DTL: variants seen among roughly 807,000 people sequenced by gnomAD.
DTL encodes the protein denticleless protein homolog.
A neutral mutation model predicts 87.0 loss-of-function variants in DTL; 46 were observed. The ratio of observed to expected loss-of-function variants is 0.53; its 90% CI spans 0.42 to 0.68. DTL has a LOEUF of 0.68. Among genes scored for constraint, DTL ranks in the 30% least tolerant of loss-of-function variants. The pLI, the probability that DTL is intolerant of heterozygous loss-of-function variation, is 0.00. For missense variants in DTL, 737 were observed against 869.4 expected (o/e 0.85, Z 1.91); for synonymous variants, 308 against 311.2 (o/e 0.99, Z 0.11).
Position 212,103,051 on chromosome 1 carries a change from G to A in DTL, c.*111G>A, listed in dbSNP as rs1655670938. ...GTGACTCTATAACTCTGGTCTTTAA[G>A]AAAGCTGCCTTTTCATTTTTAGACA... On this transcript the variant is annotated 3_prime_UTR_variant, in exon 15 of 15. Coordinates refer to ENST00000366991, the MANE Select transcript of DTL (RefSeq NM_016448.4). 5.3e-6 allele frequency: 3 copies of A among 563,960 alleles called. No individual in the cohort carries two copies. The highest frequency in any genetic ancestry group is 9.2e-6 in the Non-Finnish European group (3 of 326,246). The allele number at this position is 563,960 out of a possible 1,614,324, so 34.9% of individuals were successfully genotyped here.
At chr1:212,041,853 T>C (rs1333627247) in intron 1 of DTL, among the ~76,000 whole-genome samples, 1 of 152,138 alleles carries the variant, frequency 6.6e-6, no homozygotes, top group Non-Finnish European at 1.5e-5. Context: ...TTTACAATGA[T>C]ATGTGATGCT....
chr1:212,045,706 A>C (rs1374505773), intron 3 of DTL, among the ~76,000 whole-genome samples: 3 of 152,168 alleles, frequency 2.0e-5, no homozygotes, highest in African/African-American at 7.2e-5. Flanking sequence ...GGAAGGGGGC[A>C]CTCCAGGTGA....
At chr1:212,097,199 G>A (rs538566610) in intron 13 of DTL, among the ~76,000 whole-genome samples, 4 of 152,214 alleles carry the variant, frequency 2.6e-5, no homozygotes, top group Admixed American at 6.5e-5. Context: ...ATCCCCTCTA[G>A]CTTGTAGAGT....
intron 1 of DTL, among the ~76,000 whole-genome samples, chr1:212,041,041 A>G (rs552681060): frequency 1.3e-4 from 20 of 152,342 alleles, no homozygotes; most frequent in African/African-American, 4.8e-4. Context: ...GAATATGTGC[A>G]TGTAACTCCA....
chr1:212,075,410 C>T (rs1233871663), intron 11 of DTL, among the ~76,000 whole-genome samples: 1 of 152,098 alleles, frequency 6.6e-6, no homozygotes. Flanking sequence ...ATAAATGTCT[C>T]TTAGACTTAA....
chr1:212,070,842 G>A (rs1262426195), intron 10 of DTL, among the ~76,000 whole-genome samples: 1 of 152,094 alleles, frequency 6.6e-6, no homozygotes, highest in African/African-American at 2.4e-5. Flanking sequence ...CATTTTAGGA[G>A]GATTTTTAGC....
intron 5 of DTL, among the ~76,000 whole-genome samples, chr1:212,058,382 A>T (rs1202198270): frequency 6.6e-6 from 1 of 152,214 alleles, no homozygotes; most frequent in African/African-American, 2.4e-5. Context: ...GAATAAAACT[A>T]GAAATCAACA....
intron 9 of DTL, 64 bp from the exon 10 acceptor site, chr1:212,068,535 A>T: frequency 9.1e-7 from 1 of 1,100,558 alleles, no homozygotes; most frequent in Non-Finnish European, 1.4e-6. Context: ...TTTTGTCTCT[A>T]CATTTTAACC....
At chr1:212,090,209 CAT>C (rs1655243168) in intron 13 of DTL, among the ~76,000 whole-genome samples, 3 of 152,228 alleles carry the variant, frequency 2.0e-5, no homozygotes, top group South Asian at 4.1e-4. Flanking sequence ...TGGTTCTAAA[CAT>C]ATGGTTGATG....
intron 12 of DTL, among the ~76,000 whole-genome samples, chr1:212,079,165 T>A (rs1258485360): frequency 6.6e-6 from 1 of 152,110 alleles, no homozygotes; most frequent in Non-Finnish European, 1.5e-5. Flanking sequence ...TCTTTTTTTT[T>A]AAGTCATTAC....
intron 1 of DTL, among the ~76,000 whole-genome samples, chr1:212,037,266 C>G (rs1667504234): frequency 6.6e-6 from 1 of 152,182 alleles, no homozygotes. Context: ...TTCCTATTCT[C>G]AAGTACTCAT....
chr1:212,098,620 A>T (rs1001484936), intron 13 of DTL, among the ~76,000 whole-genome samples: 2 of 152,028 alleles, frequency 1.3e-5, no homozygotes, highest in African/African-American at 2.4e-5. Flanking sequence ...TAACAGGCCA[A>T]TGGAGTTACG....
chr1:212,065,982 A>G (rs571921101), intron 7 of DTL, among the ~76,000 whole-genome samples: 1 of 152,252 alleles, frequency 6.6e-6, no homozygotes, highest in East Asian at 1.9e-4. Context: ...GTGAGCCACC[A>G]CGCCTGGCCA....
In DTL at chr1:212,035,924, C is replaced by T. The variant is rs772279926; in HGVS notation, c.34C>T (p.Leu12Phe). 6.2e-7 allele frequency: 1 copy of T among 1,614,200 alleles called. No homozygotes were observed. The highest frequency in any genetic ancestry group is 1.6e-4 in the Middle Eastern group (1 of 6,062). Reference protein sequence around the residue: ...LFNSVLRQPQLGVLRNGWSSQ... With the variant: ...LFNSVLRQPQFGVLRNGWSSQ... ...CAATTCGGTGCTCCGCCAGCCCCAG[C>T]TTGGCGTCCTGAGAAATGGTGAGTA... Residue 12 changes from leucine (L) to phenylalanine (F), a missense_variant, in exon 1 of 15, where the codon CTT becomes TTT. Transcript: ENST00000366991.
chr1:212,057,005 A>G (rs886742994), intron 5 of DTL, among the ~76,000 whole-genome samples: 1 of 152,150 alleles, frequency 6.6e-6, no homozygotes, highest in Admixed American at 6.5e-5. Context: ...ATGGGACACT[A>G]TAAAGTGGCC....
At chr1:212,051,543 G>A (rs1667981917) in intron 5 of DTL, 6 of 552,896 alleles carry the variant, frequency 1.1e-5, no homozygotes, top group Middle Eastern at 5.6e-4. Flanking sequence ...GAATTCATAG[G>A]GAATAGGTTC....
chr1:212,102,072 G>A (rs1655640187), intron 14 of DTL, among the ~76,000 whole-genome samples: 1 of 152,182 alleles, frequency 6.6e-6, no homozygotes, highest in African/African-American at 2.4e-5. Flanking sequence ...CCTTAGGCCA[G>A]TTTTAGTTTA....
intron 8 of DTL, among the ~76,000 whole-genome samples, chr1:212,067,990 C>A (rs1373580739): frequency 1.3e-5 from 2 of 152,152 alleles, no homozygotes; most frequent in Admixed American, 1.3e-4. Flanking sequence ...GAGTAAACTC[C>A]AGTAACCCAT....
At position 212,103,058 on chromosome 1, in the gene DTL, G is replaced by A. The variant is rs1372859160; in HGVS notation, c.*118G>A. ...TATAACTCTGGTCTTTAAGAAAGCT[G>A]CCTTTTCATTTTTAGACAAAATCTT... On this transcript the variant is annotated 3_prime_UTR_variant, in exon 15 of 15. Coordinates refer to ENST00000366991, the MANE Select transcript of DTL (RefSeq NM_016448.4). 1.8e-6 allele frequency: 1 copy of A among 547,934 alleles called. No homozygotes were observed. The allele number at this position is 547,934 out of a possible 1,614,324, so 33.9% of individuals were successfully genotyped here. A position where few individuals can be genotyped will look rare whatever the true frequency, so the allele number is the denominator to read the frequency against.
Sources: allele counts gnomAD v4.1 joint callset (sites outside exome capture counted in the v4.1 genomes callset), GRCh38; gene constraint gnomAD v4.1.1; transcripts MANE v1.5; gene names NCBI Gene and HGNC (gene_info 2026-07-23, HGNC 2026-07-21).